Variants in GKAP1 observed in about 807,000 individuals in gnomAD.
GKAP1 encodes G kinase-anchoring protein 1.
A neutral mutation model predicts 56.7 loss-of-function variants in GKAP1; 31 were observed. The ratio of observed to expected loss-of-function variants is 0.55; its 90% confidence interval spans 0.41 to 0.74. The LOEUF (loss-of-function observed/expected upper bound fraction) is 0.74, where lower values mean the gene tolerates loss of function less well. Ranked by LOEUF, GKAP1 falls within the 30% of genes least tolerant of loss-of-function variation. GKAP1 has a pLI of 0.00. For missense variants in GKAP1, 364 were observed against 402.3 expected, an observed-to-expected ratio of 0.90 and a Z score of 0.82; for synonymous variants, 151 against 138.6, an observed-to-expected ratio of 1.09 and a Z score of -0.63.
chr9:83,804,559 TCCGGGAGGGAGGTGGGGGGGTCAGCCCCC>T (rs1425207776), intron 3 of GKAP1, among the ~76,000 whole-genome samples: 5 of 90,558 alleles, frequency 5.5e-5, no homozygotes, highest in African/African-American at 2.4e-4. Context: ...AGACGCCCCG[TCCGGGAGGGAGGTGGGGGGGTCAGCCCCC>T]GGCCCGGCCA....
At chr9:83,774,091 G>A (rs1458955775) in intron 7 of GKAP1, among the ~76,000 whole-genome samples, 4 of 151,748 alleles carry the variant, frequency 2.6e-5, no homozygotes, top group Non-Finnish European at 5.9e-5. Context: ...GCTGGTCTCT[G>A]ACCTCCTGGC....
chr9:83,749,643 TC>T (rs562111355), intron 9 of GKAP1, among the ~76,000 whole-genome samples: 145 of 152,336 alleles, frequency 9.5e-4, no homozygotes, highest in Middle Eastern at 3.4e-3. Context: ...ATCATTTTTT[TC>T]CTCTCAACAT....
At position 83,765,272 on chromosome 9, in the gene GKAP1, G is replaced by A. The variant is rs572925574; in HGVS notation, c.738+3546C>T. Reference sequence around the variant, plus strand: ...GGTCCTGTGGGTGCACAGAAGAGAAGGACTGAGATTTGGGAACCTCTGCCT... The same window carrying A: ...GGTCCTGTGGGTGCACAGAAGAGAAAGACTGAGATTTGGGAACCTCTGCCT... On this transcript the variant is annotated intron_variant, in intron 8 of 12. Coordinates refer to ENST00000376371, the MANE Select transcript of GKAP1 (RefSeq NM_025211.4). Among the ~76,000 whole-genome samples the A allele has an allele frequency of 2.0e-5, 3 of 152,326 alleles. No homozygotes were observed. In the South Asian group the frequency reaches 6.2e-4, roughly 32 times the overall value.
At chr9:83,777,380 A>G (rs190874620) in intron 7 of GKAP1, among the ~76,000 whole-genome samples, 1 of 152,330 alleles carries the variant, frequency 6.6e-6, no homozygotes, top group Admixed American at 6.5e-5. Context: ...AAAGCAACAT[A>G]TTAAAAAACA....
chr9:83,782,665 T>C (rs943011964), intron 6 of GKAP1, among the ~76,000 whole-genome samples: 8 of 148,186 alleles, frequency 5.4e-5, no homozygotes, highest in Non-Finnish European at 9.0e-5. Context: ...CCAGCCTTTT[T>C]TTTTTTTTTT....
At chr9:83,743,410 C>T (rs1455232267) in intron 10 of GKAP1, among the ~76,000 whole-genome samples, 1 of 151,874 alleles carries the variant, frequency 6.6e-6, no homozygotes, top group African/African-American at 2.4e-5. Context: ...GCCTGGCCAA[C>T]ATGGCAAAAT....
At chr9:83,791,390 G>A (rs993701949) in intron 4 of GKAP1, among the ~76,000 whole-genome samples, 23 of 145,654 alleles carry the variant, frequency 1.6e-4, no homozygotes, top group African/African-American at 4.7e-4. Flanking sequence ...GCGACAGAGC[G>A]AGACTCCGTC....
At chr9:83,791,334 C>T (rs368198674) in intron 4 of GKAP1, among the ~76,000 whole-genome samples, 11 of 151,258 alleles carry the variant, frequency 7.3e-5, no homozygotes, top group African/African-American at 2.7e-4. Context: ...ACCCAGGAGG[C>T]GGAGCTTGCA....
At chr9:83,773,104 T>C (rs1424111556) in intron 7 of GKAP1, among the ~76,000 whole-genome samples, 1 of 152,094 alleles carries the variant, frequency 6.6e-6, no homozygotes, top group East Asian at 1.9e-4. Context: ...TTAAAACATA[T>C]CCACACAAAG....
chr9:83,745,639 A>C (rs1277253934), intron 10 of GKAP1, among the ~76,000 whole-genome samples: 1 of 152,118 alleles, frequency 6.6e-6, no homozygotes, highest in Non-Finnish European at 1.5e-5. Flanking sequence ...GATACTCTTC[A>C]TTTCTGCACT....
At chr9:83,815,065 G>A (rs1237557667) in intron 2 of GKAP1, among the ~76,000 whole-genome samples, 10 of 152,106 alleles carry the variant, frequency 6.6e-5, no homozygotes, top group South Asian at 6.2e-4. Flanking sequence ...CCAGCTACTC[G>A]GGAGGCTGAG....
intron 6 of GKAP1, among the ~76,000 whole-genome samples, chr9:83,780,644 C>A (rs548267106): frequency 1.3e-5 from 2 of 152,156 alleles, no homozygotes; most frequent in East Asian, 3.9e-4. Context: ...CCTAGTAAAT[C>A]CCACCCATAT....
chr9:83,806,596 C>A, intron 2 of GKAP1, 36 bp from the exon 3 acceptor site: 1 of 1,148,542 alleles, frequency 8.7e-7, no homozygotes. Context: ...GATGGGTAAA[C>A]AAACAGAGTA....
intron 7 of GKAP1, among the ~76,000 whole-genome samples, chr9:83,774,216 T>C: frequency 6.6e-6 from 1 of 152,224 alleles, no homozygotes; most frequent in Admixed American, 6.5e-5. Flanking sequence ...GACTTAAATG[T>C]AAGACCTAAA....
chr9:83,795,286 A>C (rs1318118900), intron 4 of GKAP1, among the ~76,000 whole-genome samples: 1 of 152,118 alleles, frequency 6.6e-6, no homozygotes, highest in East Asian at 1.9e-4. Context: ...CATGTATCAC[A>C]TGACACTCAT....
At position 83,793,071 on chromosome 9, in the gene GKAP1, TAA is replaced by T. The variant is rs1227140027; in HGVS notation, c.361-4395_361-4394del. 5 of 905,540 alleles carry T rather than the reference TAA, an allele frequency of 5.5e-6. No homozygotes were observed. In the African/African-American group the frequency reaches 7.0e-5, roughly 13 times the overall value. 56.1% of individuals were successfully genotyped at this position (905,540 alleles called of 1,614,324 possible). On this transcript the variant is annotated intron_variant, in intron 4 of 12. Coordinates refer to ENST00000376371, the MANE Select transcript of GKAP1 (RefSeq NM_025211.4). The stretch of plus-strand genomic sequence containing the variant: ...TAAGCAAACCTATAGCTCAATCAGT[TAA>T]AGAGTATGAAGAACCAATGAAAAAC...
intron 7 of GKAP1, among the ~76,000 whole-genome samples, chr9:83,779,538 T>C (rs1427516609): frequency 8.3e-6 from 1 of 120,076 alleles, no homozygotes; most frequent in Non-Finnish European, 1.8e-5. Context: ...TATATGTGTA[T>C]ATATATACAC....
At chr9:83,799,078 T>C (rs1323886927) in intron 4 of GKAP1, 107 bp downstream of exon 4, 11 of 906,282 alleles carry the variant, frequency 1.2e-5, no homozygotes, top group Non-Finnish European at 1.7e-5. Flanking sequence ...ATTAATCCAA[T>C]ACAAATTGCT....
intron 9 of GKAP1, 73 bp downstream of exon 9, chr9:83,753,185 T>C: frequency 1.2e-6 from 1 of 835,170 alleles, no homozygotes. Context: ...TAAACATATT[T>C]ACATATAAGA....
Sources: gnomAD v4.1 joint callset for allele counts (sites outside exome capture counted in the v4.1 genomes callset) on GRCh38, gnomAD v4.1.1 for gene constraint, MANE v1.5 for transcripts, NCBI Gene and HGNC (gene_info 2026-07-23, HGNC 2026-07-21) for gene names.